VPS13B: variants seen among roughly 807,000 people sequenced by gnomAD.
VPS13B encodes vacuolar protein sorting 13 homolog B.
In VPS13B, 285 loss-of-function variants were observed where a neutral mutation model predicts 426.4. The ratio of observed to expected loss-of-function variants is 0.67; its 90% CI spans 0.61 to 0.74. The LOEUF is 0.74. VPS13B is among the 30% of genes least tolerant of loss of function. VPS13B has a pLI of 0.00. For missense variants in VPS13B, 4,537 were observed against 4,782.6 expected, an observed-to-expected ratio of 0.95 and a Z score of 1.51; for synonymous variants, 1,676 against 1,676.4, an observed-to-expected ratio of 1.00 and a Z score of 0.01.
chr8:99,411,783 A>T (rs1815678530), intron 21 of VPS13B, among the ~76,000 whole-genome samples: 3 of 152,228 alleles, frequency 2.0e-5, no homozygotes, highest in Non-Finnish European at 4.4e-5. Context: ...GCATATGGCT[A>T]GCCAGTTTTC....
At position 99,575,118 on chromosome 8, in the gene VPS13B, A is replaced by T. The variant is rs569266212; in HGVS notation, c.4950-540A>T. Among the ~76,000 whole-genome samples the T allele has an allele frequency of 9.5e-3, 1,447 of 152,206 alleles. 29 individuals carry two copies. Among genetic ancestry groups the T allele is most frequent in the African/African-American group, 0.033 (1,384 of 41,512 alleles). The stretch of plus-strand genomic sequence containing the variant: ...GAGATTGAGGCTACAGTGAGCCATG[A>T]TTGCACCACTGCACTCCAGCCTAGG... On this transcript the variant is annotated intron_variant, in intron 31 of 61. Transcript: ENST00000357162.
rs531910869 is a variant in VPS13B at position 99,128,090 on chromosome 8, A to C, written c.1207-6542A>C. Among the ~76,000 whole-genome samples, 3 of 152,222 alleles carry C rather than the reference A, an allele frequency of 2.0e-5. No homozygotes were observed. The East Asian group carries it at 5.8e-4, about 29-fold the overall frequency. The stretch of plus-strand genomic sequence containing the variant: ...ATTACACTAAAGCTCATTAAGTGGT[A>C]ATTTTAAAAGGTTTGTTGGGCTGGG... On this transcript the variant is annotated intron_variant, in intron 8 of 61. Transcript: ENST00000357162.
intron 22 of VPS13B, among the ~76,000 whole-genome samples, chr8:99,441,952 A>G (rs1020245304): frequency 2.6e-5 from 4 of 152,162 alleles, no homozygotes; most frequent in African/African-American, 9.7e-5. Context: ...AATGTTTTAA[A>G]CAATGTTTTC....
intron 33 of VPS13B, among the ~76,000 whole-genome samples, chr8:99,605,202 G>A (rs1827513717): frequency 6.6e-6 from 1 of 152,170 alleles, no homozygotes. Flanking sequence ...ATGTGCTGTG[G>A]TCCAAGAAAT....
rs557467537 is a variant in VPS13B, at chr8:99,526,675, T to G, written c.4745+5665T>G. 2.0e-5 allele frequency among the ~76,000 whole-genome samples: 3 copies of G among 152,252 alleles called. No individual in the cohort carries two copies. In the South Asian group the frequency reaches 6.2e-4, roughly 32 times the overall value. ...TTTGGAGGATTGGGTGGGTGGAGAT[T>G]AGGAATTTATTTTTGAAAATGTTGA... On this transcript the variant is annotated intron_variant, in intron 30 of 61. Coordinates refer to ENST00000357162, the MANE Select transcript of VPS13B (RefSeq NM_152564.5).
At chr8:99,470,070 A>G (rs1410146267) in intron 24 of VPS13B, among the ~76,000 whole-genome samples, 2 of 152,184 alleles carry the variant, frequency 1.3e-5, no homozygotes, top group African/African-American at 4.8e-5. Context: ...GAACTTTGAG[A>G]CAATATGTTT....
intron 35 of VPS13B, among the ~76,000 whole-genome samples, chr8:99,683,140 C>T (rs1831224032): frequency 6.6e-6 from 1 of 152,138 alleles, no homozygotes; most frequent in Non-Finnish European, 1.5e-5. Flanking sequence ...ACTGTCTTTG[C>T]ACCTATTTTA....
At chr8:99,416,706 C>T (rs573859252) in intron 21 of VPS13B, among the ~76,000 whole-genome samples, 4 of 152,226 alleles carry the variant, frequency 2.6e-5, no homozygotes, top group South Asian at 2.1e-4. Flanking sequence ...CTGAGTGAGG[C>T]GATGCCCCAC....
intron 54 of VPS13B, among the ~76,000 whole-genome samples, chr8:99,847,596 G>A (rs1264563780): frequency 6.6e-6 from 1 of 152,200 alleles, no homozygotes; most frequent in East Asian, 1.9e-4. Context: ...GAAGGCAGCA[G>A]TGGAAGAACC....
At chr8:99,107,369 C>A (rs1457591310) in intron 5 of VPS13B, among the ~76,000 whole-genome samples, 1 of 152,004 alleles carries the variant, frequency 6.6e-6, no homozygotes, top group Non-Finnish European at 1.5e-5. Context: ...AAAGAGTATA[C>A]CCCAAAGACC....
Position 99,684,598 on chromosome 8 carries a change from C to G in VPS13B, c.6047-14927C>G, listed in dbSNP as rs563886544. 1.4e-4 allele frequency among the ~76,000 whole-genome samples: 21 copies of G among 152,284 alleles called. 1 individual carries two copies. Among genetic ancestry groups the G allele is most frequent in the Admixed American group, 1.1e-3 (17 of 15,298 alleles). The stretch of plus-strand genomic sequence containing the variant: ...AGTATTTTGAATTCTAGTCTTCTTC[C>G]TTAGTCTACCTGTTACCATATACTT... On this transcript the variant is annotated intron_variant, in intron 35 of 61. Transcript: ENST00000357162.
chr8:99,766,257 T>C (rs1811220045), intron 39 of VPS13B, among the ~76,000 whole-genome samples: 1 of 151,900 alleles, frequency 6.6e-6, no homozygotes, highest in African/African-American at 2.4e-5. Flanking sequence ...CTAATTTTTG[T>C]ATTTTTAGTG....
chr8:99,699,858 G>A lies in VPS13B; in HGVS notation c.6380G>A (p.Ser2127Asn). 1.2e-6 allele frequency: 2 copies of A among 1,613,682 alleles called. No individual in the cohort carries two copies. Among genetic ancestry groups the A allele is most frequent in the South Asian group, 2.2e-5 (2 of 90,922 alleles). ...VISMETVPHT[S>N]KPCLLASLSN... is the part of the protein sequence containing the mutation. Reference sequence around the variant, plus strand: ...TCCATGGAAACTGTACCCCATACCAGCAAACCATGCCTGTTAGCATCTCTC... The same window carrying A: ...TCCATGGAAACTGTACCCCATACCAACAAACCATGCCTGTTAGCATCTCTC... Residue 2127 changes from serine to asparagine, a missense_variant, in exon 36 of 62, where the codon AGC becomes AAC. By Grantham distance (46) the Ser-to-Asn change is conservative (BLOSUM62 1). This residue lies in a region of VPS13B where 4,311 missense variants were observed against 4,474.3 expected (regional missense o/e 0.96). Coordinates refer to ENST00000357162, the MANE Select transcript of VPS13B (RefSeq NM_152564.5).
At chr8:99,391,412 G>T in intron 20 of VPS13B, 145 bp from the exon 21 acceptor site, 1 of 1,279,462 alleles carries the variant, frequency 7.8e-7, no homozygotes, top group Non-Finnish European at 1.1e-6. Context: ...AGATGAGGGA[G>T]GGAGAGATTG....
At chr8:99,744,051 G>C (rs1809926724) in intron 39 of VPS13B, among the ~76,000 whole-genome samples, 1 of 152,072 alleles carries the variant, frequency 6.6e-6, no homozygotes, top group Admixed American at 6.5e-5. Context: ...CTACAAAATG[G>C]GAGACAATTT....
intron 25 of VPS13B, among the ~76,000 whole-genome samples, chr8:99,488,490 A>T (rs1289794871): frequency 6.6e-6 from 1 of 152,144 alleles, no homozygotes; most frequent in Non-Finnish European, 1.5e-5. Context: ...CTCAGTCTTA[A>T]CAATTGGCTT....
At chr8:99,702,543 A>G (rs1456716639) in intron 36 of VPS13B, among the ~76,000 whole-genome samples, 1 of 152,156 alleles carries the variant, frequency 6.6e-6, no homozygotes, top group African/African-American at 2.4e-5. Context: ...GAAAATTTTC[A>G]TTAAAACCTC....
intron 21 of VPS13B, among the ~76,000 whole-genome samples, chr8:99,418,491 C>CT (rs1816172834): frequency 6.9e-6 from 1 of 145,638 alleles, no homozygotes; most frequent in Non-Finnish European, 1.5e-5. Context: ...TTCTTTCTTT[C>CT]TTTCTTTCTT....
At chr8:99,540,502 C>T (rs1823557798) in intron 30 of VPS13B, among the ~76,000 whole-genome samples, 1 of 152,116 alleles carries the variant, frequency 6.6e-6, no homozygotes, top group South Asian at 2.1e-4. Context: ...TGTTTGACCT[C>T]ATTGTTCTCA....
Sources: gnomAD v4.1 joint callset for allele counts (sites outside exome capture counted in the v4.1 genomes callset) on GRCh38, gnomAD v4.1.1 for gene constraint, gnomAD v4.1.1 regional missense constraint, MANE v1.5 for transcripts, NCBI Gene and HGNC (gene_info 2026-07-23, HGNC 2026-07-21) for gene names.